SMURF2: variants seen among roughly 807,000 people sequenced by gnomAD.
SMURF2 encodes SMAD specific E3 ubiquitin protein ligase 2.
A neutral mutation model predicts 109.6 loss-of-function variants in SMURF2; 48 were observed. The observed-to-expected ratio is 0.44, with a 90% CI of 0.35 to 0.56. The LOEUF (loss-of-function observed/expected upper bound fraction) is 0.56. SMURF2 is among the 20% of genes least tolerant of loss of function. SMURF2 has a pLI of 0.01. For missense variants in SMURF2, 575 were observed against 909.0 expected, an observed-to-expected ratio of 0.63 and a Z score of 4.72; for synonymous variants, 288 against 317.1, an observed-to-expected ratio of 0.91 and a Z score of 0.97.
chr17:64,634,977 T>A (rs1230712124), intron 1 of SMURF2, among the ~76,000 whole-genome samples: 2 of 151,916 alleles, frequency 1.3e-5, no homozygotes, highest in Non-Finnish European at 2.9e-5. Context: ...CATAACCTAA[T>A]AATAATAATA....
chr17:64,657,669 C>T (rs1229196561), intron 1 of SMURF2, among the ~76,000 whole-genome samples: 1 of 151,062 alleles, frequency 6.6e-6, no homozygotes, highest in Admixed American at 6.6e-5. Context: ...GCTCACTGCA[C>T]GCTGTTGCCA....
intron 11 of SMURF2, among the ~76,000 whole-genome samples, chr17:64,562,180 G>A (rs1297054576): frequency 6.9e-6 from 1 of 145,198 alleles, no homozygotes; most frequent in Non-Finnish European, 1.5e-5. Context: ...GTAGTCCCAG[G>A]TACTCAAGAG....
chr17:64,550,776 A>AG (rs1472375573), intron 16 of SMURF2, among the ~76,000 whole-genome samples: 3,041 of 149,774 alleles, frequency 0.02, 115 homozygotes, highest in African/African-American at 0.073. Flanking sequence ...AAAAAAAAAA[A>AG]AGAGAGAGAC....
chr17:64,661,377 C>T (rs962028878), intron 1 of SMURF2, among the ~76,000 whole-genome samples: 1 of 152,094 alleles, frequency 6.6e-6, no homozygotes, highest in South Asian at 2.1e-4. Flanking sequence ...CGGGAACACA[C>T]ACGCACACCC....
chr17:64,646,071 T>C (rs1444124182), intron 1 of SMURF2, among the ~76,000 whole-genome samples: 1 of 136,284 alleles, frequency 7.3e-6, no homozygotes, highest in Non-Finnish European at 1.6e-5. Context: ...TTTCTTATAA[T>C]TTTTTTTTTT....
Position 64,547,584 on chromosome 17 carries a change from C to T in SMURF2, c.2071+16G>A. On this transcript the variant is annotated intron_variant, in intron 17 of 18. Coordinates refer to ENST00000262435, the MANE Select transcript of SMURF2 (RefSeq NM_022739.4). The surrounding 1 kb of genome is among the most constrained non-coding windows in gnomAD (Gnocchi z 4.2). ...CCCCACCCGCTGCCCAGCTTGCCTG[C>T]ACCTCAGGCTGTTACCTTGCAATGC... 6.2e-7 allele frequency: 1 copy of T among 1,613,178 alleles called. No individual in the cohort carries two copies. Among genetic ancestry groups the T allele is most frequent in the Middle Eastern group, 1.7e-4 (1 of 6,058 alleles).
intron 1 of SMURF2, among the ~76,000 whole-genome samples, chr17:64,618,545 CATT>C (rs1232286757): frequency 6.6e-6 from 1 of 152,152 alleles, no homozygotes; most frequent in African/African-American, 2.4e-5. Context: ...GCAGACCAAA[CATT>C]ATCCTGTCTG....
intron 1 of SMURF2, among the ~76,000 whole-genome samples, chr17:64,624,907 A>T (rs1293183925): frequency 1.3e-5 from 2 of 152,150 alleles, no homozygotes; most frequent in Non-Finnish European, 2.9e-5. Flanking sequence ...GCCATAGAGG[A>T]TAAGTGATCT....
At chr17:64,631,320 G>GAGAC (rs1970345064) in intron 1 of SMURF2, among the ~76,000 whole-genome samples, 1 of 122,458 alleles carries the variant, frequency 8.2e-6, no homozygotes, top group African/African-American at 3.5e-5. Flanking sequence ...GAGAGAGAGA[G>GAGAC]AGAGAGACAG....
At chr17:64,612,679 C>T (rs1448450507) in intron 1 of SMURF2, among the ~76,000 whole-genome samples, 2 of 151,932 alleles carry the variant, frequency 1.3e-5, no homozygotes, top group African/African-American at 2.4e-5. Context: ...GTCCCCCTCC[C>T]TCCACCCCTC....
At chr17:64,634,341 G>A (rs1407436873) in intron 1 of SMURF2, among the ~76,000 whole-genome samples, 1 of 152,114 alleles carries the variant, frequency 6.6e-6, no homozygotes, top group Non-Finnish European at 1.5e-5. Flanking sequence ...TTCTCCACAA[G>A]ATAAATCTTT....
At chr17:64,613,311 G>T (rs190902276) in intron 1 of SMURF2, among the ~76,000 whole-genome samples, 65 of 152,150 alleles carry the variant, frequency 4.3e-4, no homozygotes, top group African/African-American at 1.5e-3. Flanking sequence ...AACTAAGGAG[G>T]TATGTATCAG....
At chr17:64,611,601 G>A (rs548346860) in intron 1 of SMURF2, among the ~76,000 whole-genome samples, 7 of 152,002 alleles carry the variant, frequency 4.6e-5, no homozygotes, top group Admixed American at 1.3e-4. Context: ...ATTCTACCTC[G>A]GAAATATCCT....
chr17:64,586,655 GCAGGAGAATC>G (rs1555687118), intron 5 of SMURF2, among the ~76,000 whole-genome samples: 9 of 150,624 alleles, frequency 6.0e-5, no homozygotes, highest in African/African-American at 2.2e-4. Flanking sequence ...GGAGGCTGAG[GCAGGAGAATC>G]GCTTGAACCT....
intron 1 of SMURF2, among the ~76,000 whole-genome samples, chr17:64,629,485 CAG>C (rs1298967267): frequency 6.6e-6 from 1 of 152,174 alleles, no homozygotes; most frequent in Admixed American, 6.5e-5. Context: ...CCCTGGACAA[CAG>C]AGAGAGACCC....
intron 9 of SMURF2, among the ~76,000 whole-genome samples, chr17:64,574,242 C>T (rs782589839): frequency 2.0e-5 from 3 of 152,112 alleles, no homozygotes; most frequent in South Asian, 2.1e-4. Context: ...CGGGAGAGTG[C>T]TAAAGCACTG....
chr17:64,606,568 T>TA, intron 2 of SMURF2, 34 bp downstream of exon 2: 1 of 1,446,466 alleles, frequency 6.9e-7, no homozygotes, highest in Non-Finnish European at 9.4e-7. Flanking sequence ...AAGATCTACA[T>TA]ACAATACACA....
chr17:64,580,510 T>C (rs1424933222), intron 8 of SMURF2, among the ~76,000 whole-genome samples: 5 of 152,158 alleles, frequency 3.3e-5, no homozygotes, highest in African/African-American at 1.2e-4. Context: ...CTCACTTCAT[T>C]TCGTATGCTT....
At chr17:64,561,732 C>A in intron 11 of SMURF2, 129 bp from the exon 12 acceptor site, 1 of 631,892 alleles carries the variant, frequency 1.6e-6, no homozygotes, top group South Asian at 2.0e-5. Flanking sequence ...TGCAGTAGCT[C>A]ACACCTGTAA....
Sources: gnomAD v4.1 joint callset for allele counts (sites outside exome capture counted in the v4.1 genomes callset) on GRCh38, gnomAD v4.1.1 for gene constraint, Gnocchi (gnomAD v3.1) non-coding constraint, MANE v1.5 for transcripts, NCBI Gene and HGNC (gene_info 2026-07-23, HGNC 2026-07-21) for gene names.